PCDHGB1: variants seen among roughly 807,000 people sequenced by gnomAD.
PCDHGB1 encodes protocadherin gamma subfamily B, 1, also known as protocadherin gamma-B1.
PCDHGB1 carries 34 observed loss-of-function variants against 56.6 expected under a neutral mutation model. The ratio of observed to expected loss-of-function variants is 0.60; its 90% confidence interval spans 0.46 to 0.80. PCDHGB1 has a LOEUF of 0.80. Ranked by LOEUF, PCDHGB1 falls within the 30% of genes least tolerant of loss-of-function variation. PCDHGB1 has a pLI of 0.00. For synonymous variants in PCDHGB1, 561 were observed against 505.9 expected (o/e 1.11, Z -1.46); for missense variants, 1,278 against 1,204.6 (o/e 1.06, Z -0.90).
intron 1 of PCDHGB1, among the ~76,000 whole-genome samples, chr5:141,437,721 A>G (rs2097904045): frequency 6.6e-6 from 1 of 151,664 alleles, no homozygotes; most frequent in African/African-American, 2.4e-5. Flanking sequence ...TTACCCTCTA[A>G]TGTTACACTT....
At chr5:141,452,858 T>C (rs904455495) in intron 1 of PCDHGB1, among the ~76,000 whole-genome samples, 1 of 152,202 alleles carries the variant, frequency 6.6e-6, no homozygotes. Flanking sequence ...GGGGAGATGA[T>C]TTTCTAACTC....
At chr5:141,356,428 C>T in intron 1 of PCDHGB1, 1 of 1,608,476 alleles carries the variant, frequency 6.2e-7, no homozygotes, top group Non-Finnish European at 8.5e-7. Context: ...ACACAGAACA[C>T]TGGACAGGGA....
intron 1 of PCDHGB1, chr5:141,365,612 G>A (rs769437434): frequency 6.2e-7 from 1 of 1,613,592 alleles, no homozygotes; most frequent in Admixed American, 1.7e-5. Context: ...CATGGACCAT[G>A]GAACCCCGCC....
rs749221752 is a variant in PCDHGB1 at position 141,432,670 on chromosome 5, G to T, written c.2410-62137G>T. ...CGCGAGCCCTGCTGGACAGAGACGCGCTCAAGCAGAGCCTCGTAGTGGCCG... is the reference window on the plus strand; with the variant it reads ...CGCGAGCCCTGCTGGACAGAGACGCTCTCAAGCAGAGCCTCGTAGTGGCCG... On this transcript the variant is annotated intron_variant, in intron 1 of 3. Coordinates refer to ENST00000523390, the MANE Select transcript of PCDHGB1 (RefSeq NM_018922.3). This position sits in a 1 kb window ranked among gnomAD's most constrained non-coding sequence, Gnocchi z 6.0. 7 of 1,613,750 alleles carry T rather than the reference G, an allele frequency of 4.3e-6. No homozygotes were observed. The African/African-American group carries it at 5.3e-5, about 12-fold the overall frequency.
rs559636619 is a variant in PCDHGB1 at position 141,371,768 on chromosome 5, C to A, written c.2409+19099C>A. ...CCGTTTTCCACCAGGCCTCCTACAC[C>A]GTGCATGTAGCTGAGAACAATCCGC... On this transcript the variant is annotated intron_variant, in intron 1 of 3. Coordinates refer to ENST00000523390, the MANE Select transcript of PCDHGB1 (RefSeq NM_018922.3). 6.8e-6 allele frequency: 11 copies of A among 1,614,032 alleles called. No homozygotes were observed. The South Asian group carries it at 7.7e-5, about 11-fold the overall frequency.
intron 1 of PCDHGB1, chr5:141,433,358 CCTAT>C (rs3074541): frequency 0.23 from 113,181 of 502,952 alleles, 11,570 homozygotes; most frequent in Non-Finnish European, 0.24. Flanking sequence ...CTACTGTCTG[CCTAT>C]CTATCTATCT....
In PCDHGB1 at chr5:141,491,921, A is replaced by T; in HGVS notation, c.2410-2886A>T. ...CCGGGGGTGGTGGCGACTGTGGGCG[A>T]GGGGAGGTGGGACCGACCCCCACCC... On this transcript the variant is annotated intron_variant, in intron 1 of 3. Coordinates refer to ENST00000523390, the MANE Select transcript of PCDHGB1 (RefSeq NM_018922.3). The surrounding 1 kb of genome is among the most constrained non-coding windows in gnomAD (Gnocchi z 6.9). The T allele has an allele frequency of 1.5e-6, 2 of 1,353,738 alleles. No homozygotes were observed. Among genetic ancestry groups the T allele is most frequent in the Non-Finnish European group, 2.0e-6 (2 of 1,013,388 alleles). 83.9% of individuals were successfully genotyped at this position (1,353,738 alleles called of 1,614,324 possible). A position where few individuals can be genotyped will look rare whatever the true frequency, so the allele number is the denominator to read the frequency against.
chr5:141,497,614 A>G (rs1377740795), intron 2 of PCDHGB1, among the ~76,000 whole-genome samples: 1 of 146,530 alleles, frequency 6.8e-6, no homozygotes, highest in Admixed American at 7.0e-5. Context: ...ATCTTGGCTC[A>G]CTGCAACCTC....
rs749407581 is a variant in PCDHGB1 at position 141,351,724 on chromosome 5, G to A, written c.1464G>A (p.Leu488=). 6.2e-7 allele frequency: 1 copy of A among 1,613,806 alleles called. No homozygotes were observed. Among genetic ancestry groups the A allele is most frequent in the East Asian group, 2.2e-5 (1 of 44,876 alleles). ...GPNGRVSYSI[L]ASDLEPRELL... Reference sequence around the variant, plus strand: ...ACGGCAGAGTCTCCTACTCTATTCTGGCCAGTGACCTGGAGCCGCGGGAGC... The same window carrying A: ...ACGGCAGAGTCTCCTACTCTATTCTAGCCAGTGACCTGGAGCCGCGGGAGC... The change falls in exon 1 of 4, where the codon CTG becomes CTA. Residue 488 remains leucine (L), a synonymous_variant. Transcript: ENST00000523390.
At chr5:141,455,755 T>C (rs1283272521) in intron 1 of PCDHGB1, among the ~76,000 whole-genome samples, 1 of 152,150 alleles carries the variant, frequency 6.6e-6, no homozygotes, top group Non-Finnish European at 1.5e-5. Flanking sequence ...CTGGCCTGGC[T>C]CCTAGAGCCG....
At chr5:141,510,844 C>A in intron 3 of PCDHGB1, 103 bp from the exon 4 acceptor site, 1 of 1,592,684 alleles carries the variant, frequency 6.3e-7, no homozygotes, top group South Asian at 1.1e-5. Context: ...GTGGTCAAGG[C>A]CCAGGGTGCT....
chr5:141,488,705 G>T (rs1024064135), intron 1 of PCDHGB1, among the ~76,000 whole-genome samples: 1 of 152,200 alleles, frequency 6.6e-6, no homozygotes, highest in Non-Finnish European at 1.5e-5. Context: ...AGATTTTGCT[G>T]GTTCAAGCAA....
At chr5:141,506,213 A>G (rs2154593866) in intron 3 of PCDHGB1, among the ~76,000 whole-genome samples, 1 of 152,204 alleles carries the variant, frequency 6.6e-6, no homozygotes, top group South Asian at 2.1e-4. Flanking sequence ...CACTTTGGGA[A>G]GCTGAGGCAG....
chr5:141,467,008 A>T (rs1319152720), intron 1 of PCDHGB1, among the ~76,000 whole-genome samples: 1 of 150,270 alleles, frequency 6.7e-6, no homozygotes, highest in African/African-American at 2.4e-5. Context: ...TTGCAATGCA[A>T]TTTTTTTCCC....
Position 141,389,941 on chromosome 5 carries a change from T to C in PCDHGB1, c.2409+37272T>C, listed in dbSNP as rs772172943. 2.5e-6 allele frequency: 4 copies of C among 1,613,952 alleles called. No homozygotes were observed. In the African/African-American group the frequency reaches 5.3e-5, roughly 22 times the overall value. On this transcript the variant is annotated intron_variant, in intron 1 of 3. Coordinates refer to ENST00000523390, the MANE Select transcript of PCDHGB1 (RefSeq NM_018922.3). ...GACCCCTCTGACCTCCAGGCTGAGC[T>C]GCAGTTTTACCTAGTGGTGGCCTTG...
chr5:141,398,663 C>T (rs2150753348), intron 1 of PCDHGB1: 2 of 1,614,016 alleles, frequency 1.2e-6, no homozygotes, highest in Non-Finnish European at 1.7e-6. Context: ...CCAAGTTTCT[C>T]ATTAATAATT....
At chr5:141,495,392 G>A (rs2099760968) in intron 2 of PCDHGB1, among the ~76,000 whole-genome samples, 2 of 152,186 alleles carry the variant, frequency 1.3e-5, no homozygotes, top group Non-Finnish European at 2.9e-5. Context: ...GGCGGGGCAT[G>A]GAGCAGGCCC....
intron 1 of PCDHGB1, among the ~76,000 whole-genome samples, chr5:141,473,706 G>C (rs1241009670): frequency 6.6e-6 from 1 of 152,186 alleles, no homozygotes; most frequent in African/African-American, 2.4e-5. Context: ...CCTCCAAGTG[G>C]TGCAATGGAA....
At chr5:141,437,652 A>T (rs899628392) in intron 1 of PCDHGB1, among the ~76,000 whole-genome samples, 1 of 152,196 alleles carries the variant, frequency 6.6e-6, no homozygotes, top group African/African-American at 2.4e-5. Context: ...AAGCAAACAC[A>T]TAGTTTCGAA....
Sources: gnomAD v4.1 joint callset for allele counts (sites outside exome capture counted in the v4.1 genomes callset) on GRCh38, gnomAD v4.1.1 for gene constraint, Gnocchi (gnomAD v3.1) non-coding constraint, MANE v1.5 for transcripts, NCBI Gene and HGNC (gene_info 2026-07-23, HGNC 2026-07-21) for gene names.